Variants in DGKB observed in about 807,000 individuals in gnomAD.
The protein encoded by DGKB is 90 kDa diacylglycerol kinase.
Under a neutral mutation model 114.3 loss-of-function variants are expected in DGKB, and 67 were observed. The ratio of observed to expected loss-of-function variants is 0.59; its 90% CI spans 0.48 to 0.72. DGKB has a LOEUF of 0.72. Among genes scored for constraint, DGKB ranks in the 30% least tolerant of loss-of-function variants. The pLI is 0.00. For synonymous variants in DGKB, 398 were observed against 323.1 expected, an observed-to-expected ratio of 1.23 and a Z score of -2.49; for missense variants, 907 against 975.2, an observed-to-expected ratio of 0.93 and a Z score of 0.93.
intron 13 of DGKB, among the ~76,000 whole-genome samples, chr7:14,648,537 G>C (rs1191680846): frequency 6.6e-6 from 1 of 152,104 alleles, no homozygotes; most frequent in East Asian, 1.9e-4. Flanking sequence ...AAACCACAAA[G>C]ATGGGGAAAA....
chr7:14,696,526 A>G (rs1823947217), intron 8 of DGKB, among the ~76,000 whole-genome samples: 1 of 144,902 alleles, frequency 6.9e-6, no homozygotes, highest in Non-Finnish European at 1.5e-5. Context: ...AAAAAAAAAA[A>G]AAAAAAAGAA....
intron 23 of DGKB, among the ~76,000 whole-genome samples, chr7:14,270,832 A>AG (rs1248431691): frequency 6.6e-6 from 1 of 152,118 alleles, no homozygotes; most frequent in Non-Finnish European, 1.5e-5. Context: ...AGCTTTCTGT[A>AG]GGGGGGTGGG....
chr7:14,865,882 G>A (rs1851641356), intron 1 of DGKB, among the ~76,000 whole-genome samples: 1 of 152,112 alleles, frequency 6.6e-6, no homozygotes, highest in South Asian at 2.1e-4. Context: ...AACTTGAAAT[G>A]TACTTGAGAA....
intron 21 of DGKB, among the ~76,000 whole-genome samples, chr7:14,368,559 A>G (rs1362591856): frequency 6.8e-6 from 1 of 146,180 alleles, no homozygotes; most frequent in Non-Finnish European, 1.5e-5. Flanking sequence ...AAACAGATGC[A>G]AACGGTATTT....
chr7:14,432,689 A>G (rs145700859), intron 21 of DGKB, among the ~76,000 whole-genome samples: 1 of 152,304 alleles, frequency 6.6e-6, no homozygotes, highest in African/African-American at 2.4e-5. Flanking sequence ...CCAAAAGGAG[A>G]ACAATTTGAG....
Position 14,374,814 on chromosome 7 carries a change from C to T in DGKB, c.1836-29423G>A, listed in dbSNP as rs1818227254. On this transcript the variant is annotated intron_variant, in intron 21 of 25. Coordinates refer to ENST00000402815, the MANE Select transcript of DGKB (RefSeq NM_001350709.2). ...TAGGATGTTTAGCAGTATCCCTGGC[C>T]TCTATCAACTATATGTGATTACTAC... 2.0e-5 allele frequency among the ~76,000 whole-genome samples: 3 copies of T among 152,210 alleles called. No homozygotes were observed. In the South Asian group the frequency reaches 6.2e-4, roughly 32 times the overall value.
At chr7:14,616,083 T>A (rs1806454491) in intron 15 of DGKB, among the ~76,000 whole-genome samples, 1 of 150,796 alleles carries the variant, frequency 6.6e-6, no homozygotes, top group African/African-American at 2.4e-5. Flanking sequence ...TGACTCTCAA[T>A]TAACTTTTTC....
intron 1 of DGKB, among the ~76,000 whole-genome samples, chr7:14,849,824 C>T (rs1586901997): frequency 6.6e-6 from 1 of 152,100 alleles, no homozygotes; most frequent in South Asian, 2.1e-4. Context: ...CAAACAATCT[C>T]AAGAGGCACA....
At chr7:14,640,974 A>G (rs1811663040) in intron 13 of DGKB, among the ~76,000 whole-genome samples, 1 of 152,170 alleles carries the variant, frequency 6.6e-6, no homozygotes, top group South Asian at 2.1e-4. Context: ...CTCTAATGCT[A>G]TTAGCTCTAG....
intron 23 of DGKB, among the ~76,000 whole-genome samples, chr7:14,200,514 G>A (rs973415850): frequency 6.6e-6 from 1 of 151,996 alleles, no homozygotes; most frequent in African/African-American, 2.4e-5. Context: ...TTCTTGATTA[G>A]GAATTTGGCA....
intron 2 of DGKB, among the ~76,000 whole-genome samples, chr7:14,826,516 GT>G (rs1845727945): frequency 1.3e-5 from 2 of 152,042 alleles, no homozygotes; most frequent in Non-Finnish European, 2.9e-5. Flanking sequence ...TTGGAAAGCA[GT>G]TTTGCTAGTT....
intron 1 of DGKB, among the ~76,000 whole-genome samples, chr7:14,877,324 G>A (rs1475179528): frequency 6.6e-6 from 1 of 152,178 alleles, no homozygotes; most frequent in Non-Finnish European, 1.5e-5. Flanking sequence ...GGGAGGCTGA[G>A]GCTGGCGGAT....
At chr7:14,891,183 C>A (rs1392272419) in intron 1 of DGKB, among the ~76,000 whole-genome samples, 1 of 151,322 alleles carries the variant, frequency 6.6e-6, no homozygotes. Flanking sequence ...ATGCGCGAAA[C>A]CGCTAATAGT....
chr7:14,261,892 A>G (rs796313129), intron 23 of DGKB, among the ~76,000 whole-genome samples: 6 of 152,312 alleles, frequency 3.9e-5, no homozygotes, highest in African/African-American at 1.4e-4. Flanking sequence ...GTCATTAAGA[A>G]CACAAAGCAG....
At chr7:14,913,712 AT>A (rs1784100529) in intron 1 of DGKB, among the ~76,000 whole-genome samples, 1 of 152,054 alleles carries the variant, frequency 6.6e-6, no homozygotes, top group South Asian at 2.1e-4. Context: ...ATTTTCAAGG[AT>A]GACTTGCTAG....
intron 23 of DGKB, among the ~76,000 whole-genome samples, chr7:14,262,444 T>G (rs1205502360): frequency 6.6e-6 from 1 of 152,178 alleles, no homozygotes; most frequent in Non-Finnish European, 1.5e-5. Context: ...AGAAGCTGTG[T>G]CTGAGTGAGA....
chr7:14,567,548 A>C (rs1272849829), intron 20 of DGKB, among the ~76,000 whole-genome samples: 2 of 99,420 alleles, frequency 2.0e-5, no homozygotes, highest in African/African-American at 7.7e-5. Context: ...AATTATATAT[A>C]ATTATATATT....
Position 14,580,907 on chromosome 7 carries a change from G to C in DGKB, c.1564C>G (p.Leu522Val). The C allele has an allele frequency of 6.2e-7, 1 of 1,604,274 alleles. No homozygotes were observed. The highest frequency in any genetic ancestry group is 8.5e-7 in the Non-Finnish European group (1 of 1,173,330). The change falls in exon 19 of 26, where the codon CTT (leucine) becomes GTT (valine). Residue 522 changes from leucine to valine, a missense_variant. Physicochemically the swap from Leu to Val is conservative, Grantham distance 32. Around this residue, in one of 3 missense-constraint regions of DGKB, gnomAD observed 814 missense variants for 856.6 expected, o/e 0.95. Coordinates refer to ENST00000402815, the MANE Select transcript of DGKB (RefSeq NM_001350709.2). ...CTTGCTAGATCATTGCCAGTCCCAA[G>C]AGGCAGAATCGCAACTGGAGGATGC... ...GKHPPVAILPLGTGNDLARCL... is the reference protein window; with the variant it reads ...GKHPPVAILPVGTGNDLARCL...
chr7:14,966,506 G>A (rs551162282), intron 1 of DGKB, among the ~76,000 whole-genome samples: 14 of 151,240 alleles, frequency 9.3e-5, no homozygotes, highest in African/African-American at 2.4e-4. Context: ...TCACCATGTC[G>A]CCCAGGCTGC....
Sources: gnomAD v4.1 joint callset for allele counts (sites outside exome capture counted in the v4.1 genomes callset) on GRCh38, gnomAD v4.1.1 for gene constraint, gnomAD v4.1.1 regional missense constraint, MANE v1.5 for transcripts, NCBI Gene and HGNC (gene_info 2026-07-23, HGNC 2026-07-21) for gene names.